The following VWA8 variants were observed in gnomAD, a reference collection of about 807,000 sequenced individuals.
VWA8 encodes von Willebrand factor A domain containing 8, also known as von Willebrand factor A domain-containing protein 8.
Under a neutral mutation model 241.5 loss-of-function variants are expected in VWA8, and 221 were observed. The observed-to-expected ratio is 0.91, with a 90% confidence interval of 0.82 to 1.02. The LOEUF is 1.02. Among genes scored for constraint, VWA8 ranks in the 50% least tolerant of loss-of-function variants. The probability of loss-of-function intolerance (pLI) is 0.00; values close to 1 mark genes in which losing one functional copy is unlikely to be tolerated. For synonymous variants in VWA8, 852 were observed against 827.1 expected (o/e 1.03, Z -0.52); for missense variants, 2,322 against 2,328.7 (o/e 1.00, Z 0.06).
intron 21 of VWA8, among the ~76,000 whole-genome samples, chr13:41,733,597 G>A (rs1432550235): frequency 6.6e-6 from 1 of 152,100 alleles, no homozygotes; most frequent in Admixed American, 6.6e-5. Context: ...TTGATCTTCA[G>A]TTTTTTAGCA....
Position 41,960,946 on chromosome 13 carries a change from G to A in VWA8, c.70C>T (p.Leu24=). 6.8e-7 allele frequency: 1 copy of A among 1,470,260 alleles called. No homozygotes were observed. Among genetic ancestry groups the A allele is most frequent in the Non-Finnish European group, 8.9e-7 (1 of 1,118,928 alleles). The allele number at this position is 1,470,260 out of a possible 1,614,324, so 91.1% of individuals were successfully genotyped here. A position where few individuals can be genotyped will look rare whatever the true frequency, so the allele number is the denominator to read the frequency against. Residue 24 remains leucine, a synonymous_variant, in exon 1 of 45, where the codon CTG becomes TTG. Coordinates refer to ENST00000379310, the MANE Select transcript of VWA8 (RefSeq NM_015058.2). Reference sequence around the variant, plus strand: ...CGCTGCACCACCTGCCGCAGGAGCAGCCGCATGCGCCGCGAGGCCGGGCCG... The same window carrying A: ...CGCTGCACCACCTGCCGCAGGAGCAACCGCATGCGCCGCGAGGCCGGGCCG... The part of the protein sequence containing the change: ...HGGPASRRMR[L]LLRQVVQRRP...
chr13:41,960,790 C>A, intron 1 of VWA8, 63 bp downstream of exon 1: 2 of 1,462,288 alleles, frequency 1.4e-6, no homozygotes, highest in Non-Finnish European at 1.8e-6. Flanking sequence ...GGGGCGGGGG[C>A]GCGCGGGGAC....
chr13:41,708,594 A>G (rs1005007989), intron 26 of VWA8, among the ~76,000 whole-genome samples: 4 of 152,150 alleles, frequency 2.6e-5, no homozygotes, highest in African/African-American at 9.7e-5. Flanking sequence ...GTATTTGTAC[A>G]TATTTTCTCT....
At chr13:41,615,116 T>A in intron 37 of VWA8, 32 bp from the exon 38 acceptor site, 1 of 1,609,282 alleles carries the variant, frequency 6.2e-7, no homozygotes, top group Non-Finnish European at 8.5e-7. Context: ...ATTTTTACTA[T>A]CCTGTGACAA....
At chr13:41,698,731 A>T (rs2137824586) in intron 29 of VWA8, among the ~76,000 whole-genome samples, 1 of 152,308 alleles carries the variant, frequency 6.6e-6, no homozygotes, top group East Asian at 1.9e-4. Context: ...AATTATCATT[A>T]CCTGAAACTG....
chr13:41,744,939 G>A lies in VWA8; in HGVS notation c.2427-12784C>T, dbSNP rs181847253. Among the ~76,000 whole-genome samples the A allele has an allele frequency of 5.3e-4, 80 of 152,120 alleles. No individual in the cohort carries two copies. In the East Asian group the frequency reaches 0.013, roughly 25 times the overall value. On this transcript the variant is annotated intron_variant, in intron 21 of 44. Coordinates refer to ENST00000379310, the MANE Select transcript of VWA8 (RefSeq NM_015058.2). ...TGCAAGCTCCACCTCCTGGGTTCACGCCATTCTCCTGCCTCAGCCTCCCGA... is the reference window on the plus strand; with the variant it reads ...TGCAAGCTCCACCTCCTGGGTTCACACCATTCTCCTGCCTCAGCCTCCCGA...
intron 2 of VWA8, chr13:41,927,002 T>C (rs1276386818): frequency 1.6e-5 from 7 of 444,746 alleles, no homozygotes; most frequent in South Asian, 7.3e-5. Flanking sequence ...CTATGGCAAA[T>C]GGCACCGCTC....
At chr13:41,787,402 T>G (rs1447808553) in intron 18 of VWA8, 35 bp downstream of exon 18, 1 of 1,470,168 alleles carries the variant, frequency 6.8e-7, no homozygotes, top group Non-Finnish European at 9.5e-7. Flanking sequence ...TAATTATTAT[T>G]TCACTTAAAA....
intron 12 of VWA8, among the ~76,000 whole-genome samples, chr13:41,838,720 TC>T (rs1871855863): frequency 6.6e-6 from 1 of 152,108 alleles, no homozygotes; most frequent in Non-Finnish European, 1.5e-5. Flanking sequence ...TAATCTAATA[TC>T]CAACATAAAG....
At chr13:41,809,116 T>C (rs1870354423) in intron 17 of VWA8, among the ~76,000 whole-genome samples, 1 of 152,098 alleles carries the variant, frequency 6.6e-6, no homozygotes, top group African/African-American at 2.4e-5. Flanking sequence ...AAGAGGATGC[T>C]AAAAAATGGA....
At chr13:41,832,209 G>A (rs1029774424) in intron 13 of VWA8, among the ~76,000 whole-genome samples, 7 of 152,302 alleles carry the variant, frequency 4.6e-5, no homozygotes, top group South Asian at 4.1e-4. Flanking sequence ...GATGATAGGC[G>A]TGAGCCACTA....
intron 2 of VWA8, among the ~76,000 whole-genome samples, chr13:41,937,757 T>TGTTAAAC (rs890982048): frequency 2.0e-5 from 3 of 152,232 alleles, no homozygotes; most frequent in Non-Finnish European, 2.9e-5. Context: ...AAACAACACA[T>TGTTAAAC]AACTGTATAT....
rs2045188957 is a variant in VWA8 at position 41,692,940 on chromosome 13, G to A, written c.3597C>T (p.Gly1199=). 6.2e-7 allele frequency: 1 copy of A among 1,610,700 alleles called. No homozygotes were observed. The highest frequency in any genetic ancestry group is 1.3e-5 in the African/African-American group (1 of 74,662). The change falls in exon 30 of 45, where the codon GGC becomes GGT. Residue 1199 remains glycine, a synonymous_variant. Transcript: ENST00000379310. ...SNVILLLDTT[G]RALHRLILPS... is the part of the protein sequence containing the mutation. ...GGAGGATGAGACGATGAAGGGCCCGGCCAGTAGTATCTAACAACAGGATAA... is the reference window on the plus strand; with the variant it reads ...GGAGGATGAGACGATGAAGGGCCCGACCAGTAGTATCTAACAACAGGATAA...
intron 14 of VWA8, among the ~76,000 whole-genome samples, chr13:41,829,276 C>A (rs1871311195): frequency 1.3e-5 from 2 of 152,110 alleles, no homozygotes; most frequent in Non-Finnish European, 2.9e-5. Flanking sequence ...AAAAGTAACA[C>A]TTTTACACTG....
chr13:41,691,229 C>A, intron 32 of VWA8, 91 bp downstream of exon 32: 1 of 1,435,748 alleles, frequency 7.0e-7, no homozygotes, highest in Non-Finnish European at 9.2e-7. Context: ...AGGACAGACA[C>A]AGGAAAGACA....
At chr13:41,771,852 G>C (rs1285258364) in intron 20 of VWA8, among the ~76,000 whole-genome samples, 1 of 148,232 alleles carries the variant, frequency 6.7e-6, no homozygotes, top group African/African-American at 2.5e-5. Flanking sequence ...AAAATGCTGG[G>C]ATTATAGGCA....
At chr13:41,850,070 G>C (rs990940528) in intron 12 of VWA8, among the ~76,000 whole-genome samples, 16 of 152,066 alleles carry the variant, frequency 1.1e-4, no homozygotes, top group African/African-American at 3.6e-4. Context: ...CGATCATCAA[G>C]AATAGTAAAA....
intron 29 of VWA8, among the ~76,000 whole-genome samples, chr13:41,698,288 T>A: frequency 6.6e-6 from 1 of 151,922 alleles, no homozygotes; most frequent in Non-Finnish European, 1.5e-5. Context: ...GTGTAGTACT[T>A]GGTATATACT....
chr13:41,618,046 C>A (rs2044633072), intron 37 of VWA8, among the ~76,000 whole-genome samples: 1 of 152,138 alleles, frequency 6.6e-6, no homozygotes. Flanking sequence ...CCTTGAGGAA[C>A]TGCCACACTG....
Sources: gnomAD v4.1 joint callset for allele counts (sites outside exome capture counted in the v4.1 genomes callset) on GRCh38, gnomAD v4.1.1 for gene constraint, MANE v1.5 for transcripts, NCBI Gene and HGNC (gene_info 2026-07-23, HGNC 2026-07-21) for gene names.